The following FOXN3 variants were observed in gnomAD, a reference collection of about 807,000 sequenced individuals.
FOXN3 encodes the protein forkhead box N3.
FOXN3 carries 7 observed loss-of-function variants against 38.4 expected under a neutral mutation model. The ratio of observed to expected loss-of-function variants is 0.18; its 90% CI spans 0.10 to 0.34. FOXN3 has a LOEUF of 0.34. Ranked by LOEUF, FOXN3 falls within the 10% of genes least tolerant of loss-of-function variation. FOXN3 has a pLI of 1.00. For missense variants in FOXN3, 456 were observed against 613.4 expected, an observed-to-expected ratio of 0.74 and a Z score of 2.71; for synonymous variants, 230 against 242.2, an observed-to-expected ratio of 0.95 and a Z score of 0.47.
intron 1 of FOXN3, among the ~76,000 whole-genome samples, chr14:89,423,182 C>G (rs1036237847): frequency 1.3e-5 from 2 of 152,186 alleles, no homozygotes; most frequent in Non-Finnish European, 2.9e-5. Flanking sequence ...AACACACACA[C>G]AGAGTCTAAT....
intron 3 of FOXN3, among the ~76,000 whole-genome samples, chr14:89,334,897 G>T (rs1465160480): frequency 1.3e-5 from 2 of 152,008 alleles, no homozygotes; most frequent in African/African-American, 4.8e-5. Flanking sequence ...CGCCCCAGTA[G>T]CTGGGATTAC....
At chr14:89,503,745 C>T (rs908656641) in intron 1 of FOXN3, among the ~76,000 whole-genome samples, 2 of 152,142 alleles carry the variant, frequency 1.3e-5, no homozygotes, top group African/African-American at 2.4e-5. Context: ...TTGACAACCC[C>T]GCAGCTCTGT....
At chr14:89,515,006 G>A (rs924744585) in intron 1 of FOXN3, among the ~76,000 whole-genome samples, 22 of 150,786 alleles carry the variant, frequency 1.5e-4, no homozygotes, top group African/African-American at 4.9e-4. Flanking sequence ...TGCAACCTCC[G>A]CATCCGGAGT....
chr14:89,333,425 A>G (rs1888317550), intron 3 of FOXN3, among the ~76,000 whole-genome samples: 1 of 151,086 alleles, frequency 6.6e-6, no homozygotes, highest in Admixed American at 6.6e-5. Context: ...CTCAAAAGAA[A>G]AAAAAAAAAG....
Position 89,197,186 on chromosome 14 carries a change from C to T in FOXN3, c.746-16380G>A, listed in dbSNP as rs144768355. Among the ~76,000 whole-genome samples the T allele has an allele frequency of 4.1e-3, 631 of 152,238 alleles. 8 individuals carry two copies. The highest frequency in any genetic ancestry group is 0.015 in the African/African-American group (616 of 41,524). On this transcript the variant is annotated intron_variant, in intron 4 of 5. Transcript: ENST00000557258. Reference sequence around the variant, plus strand: ...CAAAAATACCAAATAATAGATGACACACACTCAGACAGAAATGATCAGATA... The same window carrying T: ...CAAAAATACCAAATAATAGATGACATACACTCAGACAGAAATGATCAGATA...
At chr14:89,280,631 C>T (rs190355552) in intron 4 of FOXN3, among the ~76,000 whole-genome samples, 9 of 152,230 alleles carry the variant, frequency 5.9e-5, no homozygotes, top group East Asian at 3.9e-4. Flanking sequence ...ATGTTTCTGT[C>T]GCATTCTAAT....
At chr14:89,374,505 A>G (rs1566971448) in intron 2 of FOXN3, among the ~76,000 whole-genome samples, 1 of 152,118 alleles carries the variant, frequency 6.6e-6, no homozygotes. Flanking sequence ...CATAACATCC[A>G]AAAACTAGAA....
intron 1 of FOXN3, among the ~76,000 whole-genome samples, chr14:89,597,757 C>A (rs1896087346): frequency 6.6e-6 from 1 of 152,130 alleles, no homozygotes; most frequent in Non-Finnish European, 1.5e-5. Flanking sequence ...GCTATACAAT[C>A]TTTCTTTTGC....
intron 1 of FOXN3, among the ~76,000 whole-genome samples, chr14:89,444,693 G>A (rs537470338): frequency 1.3e-4 from 20 of 152,240 alleles, no homozygotes; most frequent in South Asian, 4.1e-4. Flanking sequence ...TCTATATTCC[G>A]CAGCTTCCCG....
At chr14:89,436,606 C>G (rs1483788617) in intron 1 of FOXN3, among the ~76,000 whole-genome samples, 4 of 152,192 alleles carry the variant, frequency 2.6e-5, no homozygotes, top group Non-Finnish European at 5.9e-5. Flanking sequence ...GTGCACAAAT[C>G]AACAAGATCC....
intron 3 of FOXN3, among the ~76,000 whole-genome samples, chr14:89,288,670 TTCTCTCTC>T (rs1202531466): frequency 1.2e-3 from 66 of 54,044 alleles, no homozygotes; most frequent in Non-Finnish European, 1.4e-3. Flanking sequence ...GGCACTCTCT[TTCTCTCTC>T]TCTCTCTCTC....
chr14:89,223,708 C>T (rs1248315987), intron 4 of FOXN3, among the ~76,000 whole-genome samples: 3 of 152,184 alleles, frequency 2.0e-5, no homozygotes, highest in African/African-American at 4.8e-5. Flanking sequence ...GGGGAAGAGA[C>T]GTTTCCAAAG....
chr14:89,440,951 T>C (rs1892370815), intron 1 of FOXN3, among the ~76,000 whole-genome samples: 1 of 152,168 alleles, frequency 6.6e-6, no homozygotes, highest in Admixed American at 6.5e-5. Flanking sequence ...GCAGACATGA[T>C]GGCAATGGTG....
chr14:89,185,614 C>T (rs1157046728), intron 4 of FOXN3: 2 of 152,306 alleles, frequency 1.3e-5, no homozygotes, highest in African/African-American at 2.4e-5. Context: ...ACTTCTTCCT[C>T]GGATTTGTGG....
intron 2 of FOXN3, among the ~76,000 whole-genome samples, chr14:89,387,734 C>G (rs1890832733): frequency 6.6e-6 from 1 of 152,132 alleles, no homozygotes; most frequent in South Asian, 2.1e-4. Flanking sequence ...GCCCTTAGGA[C>G]AGAGTTGGTC....
At chr14:89,183,095 G>A (rs1596085632) in intron 4 of FOXN3, among the ~76,000 whole-genome samples, 1 of 152,202 alleles carries the variant, frequency 6.6e-6, no homozygotes, top group East Asian at 1.9e-4. Context: ...TAGATCCTTT[G>A]GATGAAATCT....
At chr14:89,195,999 A>T (rs1028176030) in intron 4 of FOXN3, among the ~76,000 whole-genome samples, 10 of 151,666 alleles carry the variant, frequency 6.6e-5, no homozygotes, top group Admixed American at 5.9e-4. Flanking sequence ...ATCCCATATT[A>T]AAAAAAAATT....
chr14:89,373,572 T>C (rs1890386794), intron 2 of FOXN3, among the ~76,000 whole-genome samples: 1 of 152,220 alleles, frequency 6.6e-6, no homozygotes, highest in Non-Finnish European at 1.5e-5. Flanking sequence ...TTTACATTTA[T>C]TTGTGAGGTT....
intron 2 of FOXN3, among the ~76,000 whole-genome samples, chr14:89,389,757 T>G (rs1366720690): frequency 2.6e-5 from 4 of 152,152 alleles, no homozygotes; most frequent in African/African-American, 9.7e-5. Context: ...GGCATCAATA[T>G]ACGATCTTAG....
Sources: allele counts gnomAD v4.1 joint callset (sites outside exome capture counted in the v4.1 genomes callset), GRCh38; gene constraint gnomAD v4.1.1; transcripts MANE v1.5; gene names NCBI Gene and HGNC (gene_info 2026-07-23, HGNC 2026-07-21).